Variants in PRKCG observed in about 807,000 individuals in gnomAD.
The protein encoded by PRKCG is protein kinase C gamma, also known as protein kinase C gamma type.
In PRKCG, 28 loss-of-function variants were observed where a neutral mutation model predicts 82.0. The observed-to-expected ratio is 0.34, with a 90% CI of 0.25 to 0.47. PRKCG has a LOEUF of 0.47. Among genes scored for constraint, PRKCG ranks in the 20% least tolerant of loss-of-function variants. The probability of loss-of-function intolerance (pLI) is 1.00; values close to 1 mark genes in which losing one functional copy is unlikely to be tolerated. For missense variants in PRKCG, 640 were observed against 952.7 expected (o/e 0.67, Z 4.32); for synonymous variants, 383 against 376.6 (o/e 1.02, Z -0.20).
Position 53,900,082 on chromosome 19 carries a change from C to T in PRKCG, c.1282-151C>T, listed in dbSNP as rs2123015601. 3.9e-6 allele frequency: 3 copies of T among 759,922 alleles called. No individual in the cohort carries two copies. Among genetic ancestry groups the T allele is most frequent in the Non-Finnish European group, 4.6e-6 (2 of 434,034 alleles). 47.1% of individuals were successfully genotyped at this position (759,922 alleles called of 1,614,324 possible). ...GATTCTGAGGTAGCAGGATTAGCAC[C>T]TTAGGGCCCTCCCAGGGATGTGGCT... On this transcript the variant is annotated intron_variant, in intron 11 of 17. Transcript: ENST00000263431. The surrounding 1 kb of genome is among the most constrained non-coding windows in gnomAD (Gnocchi z 4.2).
rs2068654552 is a variant in PRKCG, at chr19:53,889,428, T to A, written c.286-210T>A. On this transcript the variant is annotated intron_variant, in intron 3 of 17. Transcript: ENST00000263431. This position sits in a 1 kb window ranked among gnomAD's most constrained non-coding sequence, Gnocchi z 4.4. Reference sequence around the variant, plus strand: ...TAAACTCCATGTGACAAAGAGGTTTTTTTTTTTCATTTGTTTAATGCTGGG... The same window carrying A: ...TAAACTCCATGTGACAAAGAGGTTTATTTTTTTCATTTGTTTAATGCTGGG... 6.6e-6 allele frequency among the ~76,000 whole-genome samples: 1 copy of A among 151,996 alleles called. No homozygotes were observed. Among genetic ancestry groups the A allele is most frequent in the South Asian group, 2.1e-4 (1 of 4,826 alleles).
chr19:53,906,323 A>G lies in PRKCG; in HGVS notation c.1771A>G (p.Thr591Ala), dbSNP rs1344294925. ...EAVAICKGFLTKHPGKRLGSG... is the reference protein window; with the variant it reads ...EAVAICKGFLAKHPGKRLGSG... Reference sequence around the variant, plus strand: ...CTCTCTGTGTTTCCCACAGTTCCTGACCAAGCACCCAGGGAAGCGCCTGGG... The same window carrying G: ...CTCTCTGTGTTTCCCACAGTTCCTGGCCAAGCACCCAGGGAAGCGCCTGGG... Residue 591 changes from threonine to alanine, a missense_variant, in exon 17 of 18, where the codon ACC (threonine) becomes GCC (alanine). By Grantham distance (58) the Thr-to-Ala change is moderately conservative. This residue lies in a region of PRKCG where 198 missense variants were observed against 273.4 expected (regional missense o/e 0.72). Coordinates refer to ENST00000263431, the MANE Select transcript of PRKCG (RefSeq NM_002739.5). 6.4e-7 allele frequency: 1 copy of G among 1,550,848 alleles called. No homozygotes were observed. The highest frequency in any genetic ancestry group is 8.7e-7 in the Non-Finnish European group (1 of 1,146,840).
chr19:53,891,889 A>C, intron 6 of PRKCG, 59 bp downstream of exon 6: 1 of 1,605,756 alleles, frequency 6.2e-7, no homozygotes, highest in Non-Finnish European at 8.5e-7. Flanking sequence ...TGAGGGTCCT[A>C]GTGGCCCCCA....
In PRKCG at chr19:53,884,947, T is replaced by C. The variant is rs762202163; in HGVS notation, c.285+704T>C. 1.3e-4 allele frequency among the ~76,000 whole-genome samples: 19 copies of C among 151,970 alleles called. No individual in the cohort carries two copies. Among genetic ancestry groups the C allele is most frequent in the Non-Finnish European group, 2.5e-4 (17 of 67,990 alleles). On this transcript the variant is annotated intron_variant, in intron 3 of 17. Coordinates refer to ENST00000263431, the MANE Select transcript of PRKCG (RefSeq NM_002739.5). The surrounding 1 kb of genome is among the most constrained non-coding windows in gnomAD (Gnocchi z 4.6). The stretch of plus-strand genomic sequence containing the variant: ...AGACACACAGCCTCTCCCCACCCCC[T>C]CTCTCTCCATCAGAGGCTCACAAGA...
In PRKCG at chr19:53,883,094, T is replaced by G. The variant is rs1443917650; in HGVS notation, c.171-69T>G. ...GGAGGGTCAGAGAGCGCAGGCCCCCTGTGGCTCGCAGAGGTTGGGGGTCCA... is the reference window on the plus strand; with the variant it reads ...GGAGGGTCAGAGAGCGCAGGCCCCCGGTGGCTCGCAGAGGTTGGGGGTCCA... On this transcript the variant is annotated intron_variant, in intron 1 of 17. Coordinates refer to ENST00000263431, the MANE Select transcript of PRKCG (RefSeq NM_002739.5). The surrounding 1 kb of genome is among the most constrained non-coding windows in gnomAD (Gnocchi z 5.4). 3 of 1,589,838 alleles carry G rather than the reference T, an allele frequency of 1.9e-6. No homozygotes were observed. The highest frequency in any genetic ancestry group is 1.1e-5 in the South Asian group (1 of 90,578).
chr19:53,902,958 G>T (rs1289728910), intron 14 of PRKCG, 115 bp from the exon 15 acceptor site: 2 of 754,130 alleles, frequency 2.7e-6, no homozygotes, highest in East Asian at 5.0e-5. Context: ...TTCAGAGTGG[G>T]AAGAGCTTGT....
intron 3 of PRKCG, among the ~76,000 whole-genome samples, chr19:53,887,029 G>A (rs1473360418): frequency 6.6e-6 from 1 of 152,050 alleles, no homozygotes; most frequent in Non-Finnish European, 1.5e-5. Flanking sequence ...TGAATAGTGA[G>A]AAGGAGATCT....
In PRKCG at chr19:53,906,938, G is replaced by T. The variant is rs745859353; in HGVS notation, c.*43G>T. ...AGGTGTCCCCAACGTCCCCTCCGCCGTGCCGGCGGCAGCCCCACTTCACCC... is the reference window on the plus strand; with the variant it reads ...AGGTGTCCCCAACGTCCCCTCCGCCTTGCCGGCGGCAGCCCCACTTCACCC... On this transcript the variant is annotated 3_prime_UTR_variant, in exon 18 of 18. Coordinates refer to ENST00000263431, the MANE Select transcript of PRKCG (RefSeq NM_002739.5). The T allele has an allele frequency of 1.9e-6, 3 of 1,606,758 alleles. No homozygotes were observed. The highest frequency in any genetic ancestry group is 1.7e-5 in the Admixed American group (1 of 59,232).
intron 9 of PRKCG, among the ~76,000 whole-genome samples, 164 bp from the exon 10 acceptor site, chr19:53,897,795 G>A (rs1366440128): frequency 2.0e-5 from 3 of 152,122 alleles, no homozygotes; most frequent in Non-Finnish European, 4.4e-5. Context: ...AGGCTATGGG[G>A]AGTCAGAGAA....
chr19:53,891,883 G>C (rs1599945162), intron 6 of PRKCG, 53 bp downstream of exon 6: 2 of 1,611,358 alleles, frequency 1.2e-6, no homozygotes, highest in East Asian at 4.5e-5. Flanking sequence ...ATGATCTGAG[G>C]GTCCTAGTGG....
chr19:53,902,979 C>T, intron 14 of PRKCG, 94 bp from the exon 15 acceptor site: 1 of 799,250 alleles, frequency 1.3e-6, no homozygotes, highest in South Asian at 1.3e-5. Context: ...GCTGAAAGCA[C>T]TTAACGTGGG....
rs1262712418 is a variant in PRKCG at position 53,882,244 on chromosome 19, G to A, written c.-251G>A. ...TGGAGCTCCCACCGCCGCCGCCCGTGCCTCCGGCTGCCGGCGCCCCTGCCT... is the reference window on the plus strand; with the variant it reads ...TGGAGCTCCCACCGCCGCCGCCCGTACCTCCGGCTGCCGGCGCCCCTGCCT... On this transcript the variant is annotated 5_prime_UTR_variant, in exon 1 of 18. Coordinates refer to ENST00000263431, the MANE Select transcript of PRKCG (RefSeq NM_002739.5). This position sits in a 1 kb window ranked among gnomAD's most constrained non-coding sequence, Gnocchi z 6.1. The A allele has an allele frequency of 3.7e-6, 2 of 546,882 alleles. No individual in the cohort carries two copies. The highest frequency in any genetic ancestry group is 6.6e-6 in the Non-Finnish European group (2 of 302,122). 33.9% of individuals were successfully genotyped at this position (546,882 alleles called of 1,614,324 possible). A position where few individuals can be genotyped will look rare whatever the true frequency, so the allele number is the denominator to read the frequency against.
rs933212187 is a variant in PRKCG, at chr19:53,906,302, C to G, written c.1765-15C>G. Reference sequence around the variant, plus strand: ...TGTCTGTTTGTCTGTCTGTCTCTCTCTGTGTTTCCCACAGTTCCTGACCAA... The same window carrying G: ...TGTCTGTTTGTCTGTCTGTCTCTCTGTGTGTTTCCCACAGTTCCTGACCAA... On this transcript the variant is annotated splice_polypyrimidine_tract_variant and intron_variant, in intron 16 of 17. Coordinates refer to ENST00000263431, the MANE Select transcript of PRKCG (RefSeq NM_002739.5). 1.3e-6 allele frequency: 2 copies of G among 1,551,188 alleles called. No homozygotes were observed. Among genetic ancestry groups the G allele is most frequent in the Non-Finnish European group, 1.7e-6 (2 of 1,146,940 alleles).
In PRKCG at chr19:53,906,701, C is replaced by G. The variant is rs970315402; in HGVS notation, c.1906-6C>G. 26 of 1,612,470 alleles carry G rather than the reference C, an allele frequency of 1.6e-5. No homozygotes were observed. Among genetic ancestry groups the G allele is most frequent in the Non-Finnish European group, 2.1e-5 (25 of 1,179,990 alleles). Reference sequence around the variant, plus strand: ...CTTAACTTTCCCTCCCCCACGTCTCCCACAGTGTGGCCGCAGCGGCGAGAA... The same window carrying G: ...CTTAACTTTCCCTCCCCCACGTCTCGCACAGTGTGGCCGCAGCGGCGAGAA... On this transcript the variant is annotated splice_polypyrimidine_tract_variant and splice_region_variant and intron_variant, in intron 17 of 17. Transcript: ENST00000263431.
At chr19:53,904,096 G>A (rs1324175301) in intron 15 of PRKCG, among the ~76,000 whole-genome samples, 1 of 151,972 alleles carries the variant, frequency 6.6e-6, no homozygotes, top group Non-Finnish European at 1.5e-5. Flanking sequence ...ATTTTAGTTA[G>A]AAGTTAAAAA....
intron 17 of PRKCG, 39 bp from the exon 18 acceptor site, chr19:53,906,668 C>A (rs374367148): frequency 4.4e-6 from 7 of 1,606,628 alleles, no homozygotes; most frequent in African/African-American, 2.7e-5. Context: ...GAGGAGCCCT[C>A]GGAGCTGCTT....
Position 53,899,590 on chromosome 19 carries a change from C to G in PRKCG, c.1282-643C>G, listed in dbSNP as rs564496277. On this transcript the variant is annotated intron_variant, in intron 11 of 17. Transcript: ENST00000263431. ...AATATATGTATGAGCAACTTTGATT[C>G]CTTTTTTTTTTTTTGAGAAGGAGTT... 1.8e-4 allele frequency among the ~76,000 whole-genome samples: 27 copies of G among 150,192 alleles called. No homozygotes were observed. In the South Asian group the frequency reaches 5.4e-3, roughly 30 times the overall value.
chr19:53,898,782 CG>C lies in PRKCG; in HGVS notation c.1281+163del, dbSNP rs398101280. On this transcript the variant is annotated intron_variant, in intron 11 of 17. Transcript: ENST00000263431. ...GGATTGTCTCCTCAGGGGGCGTGGC[CG>C]GGGGGGGGTCCTTGGGGGGCGTGGC... 1.7e-3 allele frequency among the ~76,000 whole-genome samples: 50 copies of C among 30,086 alleles called. 2 individuals are homozygous for C. Among genetic ancestry groups the C allele is most frequent in the African/African-American group, 5.2e-3 (37 of 7,110 alleles). The allele number at this position is 30,086 out of a possible 152,430, so 19.7% of individuals were successfully genotyped here. A position where few individuals can be genotyped will look rare whatever the true frequency, so the allele number is the denominator to read the frequency against.
intron 9 of PRKCG, among the ~76,000 whole-genome samples, chr19:53,896,989 T>A (rs2068722735): frequency 6.6e-6 from 1 of 151,750 alleles, no homozygotes; most frequent in Non-Finnish European, 1.5e-5. Context: ...GGGAGACAAC[T>A]AGGAGGGAAG....
Sources: gnomAD v4.1 joint callset for allele counts (sites outside exome capture counted in the v4.1 genomes callset) on GRCh38, gnomAD v4.1.1 for gene constraint, gnomAD v4.1.1 regional missense constraint, Gnocchi (gnomAD v3.1) non-coding constraint, MANE v1.5 for transcripts, NCBI Gene and HGNC (gene_info 2026-07-23, HGNC 2026-07-21) for gene names.